The following TFPI variants were observed in gnomAD, a reference collection of about 807,000 sequenced individuals.
The protein encoded by TFPI is anti-convertin.
Under a neutral mutation model 34.6 loss-of-function variants are expected in TFPI, and 15 were observed. That is an observed-to-expected ratio of 0.43 (90% CI 0.29 to 0.67). The LOEUF is 0.67. Among genes scored for constraint, TFPI ranks in the 30% least tolerant of loss-of-function variants. The probability of loss-of-function intolerance (pLI) is 0.15; values close to 1 mark genes in which losing one functional copy is unlikely to be tolerated. For synonymous variants in TFPI, 105 were observed against 120.1 expected (o/e 0.87, Z 0.82); for missense variants, 301 against 364.0 (o/e 0.83, Z 1.41).
At position 187,467,942 on chromosome 2, in the gene TFPI, A is replaced by G. The variant is rs1482433891; in HGVS notation, c.629-10T>C. ...GAGGGACCGTGAAATTCTAAAAACA[A>G]TCAGGAAAACATGGTAAGCCATATG... is the stretch of plus-strand genomic sequence containing the variant. On this transcript the variant is annotated splice_polypyrimidine_tract_variant and intron_variant, in intron 6 of 7. Coordinates refer to ENST00000233156, the MANE Select transcript of TFPI (RefSeq NM_006287.6). 1 of 1,562,462 alleles carries G rather than the reference A, an allele frequency of 6.4e-7. No homozygotes were observed. The highest frequency in any genetic ancestry group is 8.6e-7 in the Non-Finnish European group (1 of 1,156,546).
intron 1 of TFPI, among the ~76,000 whole-genome samples, chr2:187,507,278 T>A (rs1686288594): frequency 6.6e-6 from 1 of 152,226 alleles, no homozygotes; most frequent in Non-Finnish European, 1.5e-5. Flanking sequence ...ATGGTGTATA[T>A]GTGCCACATT....
At chr2:187,535,924 A>G (rs1688225037) in intron 1 of TFPI, among the ~76,000 whole-genome samples, 1 of 152,212 alleles carries the variant, frequency 6.6e-6, no homozygotes, top group Non-Finnish European at 1.5e-5. Flanking sequence ...CCACAGAAAT[A>G]CAAACTACCA....
chr2:187,530,034 A>G (rs1276426235), intron 1 of TFPI, among the ~76,000 whole-genome samples: 2 of 152,178 alleles, frequency 1.3e-5, no homozygotes, highest in Non-Finnish European at 2.9e-5. Flanking sequence ...GGTCTGGGAA[A>G]GTGACTGTTT....
Position 187,496,950 on chromosome 2 carries a change from A to T in TFPI, c.250T>A (p.Tyr84Asn). The change falls in exon 3 of 8, where the codon TAT becomes AAT. Residue 84 changes from tyrosine to asparagine, a missense_variant. By Grantham distance (143) the Tyr-to-Asn change is moderately radical (BLOSUM62 -2). Coordinates refer to ENST00000233156, the MANE Select transcript of TFPI (RefSeq NM_006287.6). ...IFTRQCEEFI[Y>N]GGCEGNQNRF... ...TTCTGATTTCCTTCACATCCCCCAT[A>T]TATAAATTCTTCGCACTGTCGAGTG... is the stretch of plus-strand genomic sequence containing the variant. 2 of 1,613,384 alleles carry T rather than the reference A, an allele frequency of 1.2e-6. No individual in the cohort carries two copies. The highest frequency in any genetic ancestry group is 1.7e-6 in the Non-Finnish European group (2 of 1,179,506).
intron 1 of TFPI, among the ~76,000 whole-genome samples, chr2:187,522,795 G>A (rs1687468911): frequency 6.6e-6 from 1 of 151,222 alleles, no homozygotes; most frequent in South Asian, 2.1e-4. Context: ...GGAGGCTGAG[G>A]CAGGAGAATG....
At chr2:187,483,520 C>T (rs552042042) in intron 6 of TFPI, among the ~76,000 whole-genome samples, 123 of 151,988 alleles carry the variant, frequency 8.1e-4, no homozygotes, top group Non-Finnish European at 1.6e-3. Context: ...ATTATGTTTT[C>T]CAGTATTTTC....
chr2:187,486,030 A>G (rs190991197), intron 4 of TFPI, among the ~76,000 whole-genome samples: 1 of 151,626 alleles, frequency 6.6e-6, no homozygotes, highest in Non-Finnish European at 1.5e-5. Context: ...CTGCAAAAGA[A>G]CAAACTCCTT....
chr2:187,513,922 C>T (rs952652229), intron 1 of TFPI: 1 of 152,200 alleles, frequency 6.6e-6, no homozygotes, highest in Non-Finnish European at 1.5e-5. Flanking sequence ...CAGCCCTCTA[C>T]TTCAGAAAAG....
chr2:187,549,193 T>C (rs536891723), intron 1 of TFPI, among the ~76,000 whole-genome samples: 2 of 152,224 alleles, frequency 1.3e-5, no homozygotes, highest in South Asian at 4.1e-4. Context: ...TACTACGTTT[T>C]CATTTATTTG....
rs886182122 is a variant in TFPI at position 187,534,834 on chromosome 2, A to G, written c.-3+19366T>C. On this transcript the variant is annotated intron_variant, in intron 1 of 7. Coordinates refer to ENST00000233156, the MANE Select transcript of TFPI (RefSeq NM_006287.6). ...TATTCAGGAGTCCCATGTCACGTGC[A>G]AAAACACACATTGACTCAAAGTAAA... is the stretch of plus-strand genomic sequence containing the variant. Among the ~76,000 whole-genome samples, 6 of 152,258 alleles carry G rather than the reference A, an allele frequency of 3.9e-5. 1 individual carries two copies. The East Asian group carries it at 1.2e-3, about 29-fold the overall frequency.
At chr2:187,533,749 G>A (rs948927929) in intron 1 of TFPI, among the ~76,000 whole-genome samples, 6 of 152,142 alleles carry the variant, frequency 3.9e-5, no homozygotes, top group African/African-American at 1.4e-4. Context: ...TTCAGAAGGT[G>A]GGTAATAACA....
At chr2:187,467,392 A>G (rs542546724) in intron 7 of TFPI, among the ~76,000 whole-genome samples, 1 of 151,998 alleles carries the variant, frequency 6.6e-6, no homozygotes, top group Non-Finnish European at 1.5e-5. Context: ...TTAGTCTTTT[A>G]TAAACATGCA....
chr2:187,527,851 G>A (rs1420335819), intron 1 of TFPI, among the ~76,000 whole-genome samples: 6 of 152,018 alleles, frequency 3.9e-5, no homozygotes, highest in Admixed American at 2.0e-4. Context: ...ATGCAGGTAC[G>A]TTGAATTTAT....
At chr2:187,508,076 C>T (rs937373802) in intron 1 of TFPI, among the ~76,000 whole-genome samples, 1 of 152,096 alleles carries the variant, frequency 6.6e-6, no homozygotes, top group Non-Finnish European at 1.5e-5. Flanking sequence ...AAATCCTTTC[C>T]CCATTGCTTA....
intron 1 of TFPI, among the ~76,000 whole-genome samples, chr2:187,530,555 G>A (rs1687909083): frequency 6.6e-6 from 1 of 152,190 alleles, no homozygotes; most frequent in Non-Finnish European, 1.5e-5. Flanking sequence ...GAATGGAATG[G>A]AAATATTGCT....
intron 1 of TFPI, chr2:187,547,528 A>G (rs1342640711): frequency 6.6e-6 from 1 of 152,272 alleles, no homozygotes; most frequent in East Asian, 1.9e-4. Context: ...GTTGGTGACT[A>G]CAACCATCTG....
intron 1 of TFPI, among the ~76,000 whole-genome samples, chr2:187,545,842 G>A (rs942948636): frequency 6.6e-6 from 1 of 151,822 alleles, no homozygotes; most frequent in Admixed American, 6.6e-5. Flanking sequence ...AATCATTTTT[G>A]GTGTTTATGT....
chr2:187,493,088 C>G (rs548812582), intron 3 of TFPI, among the ~76,000 whole-genome samples: 3 of 152,150 alleles, frequency 2.0e-5, no homozygotes, highest in African/African-American at 4.8e-5. Flanking sequence ...CTGCACTGCT[C>G]TAGCAGAGGT....
intron 6 of TFPI, among the ~76,000 whole-genome samples, chr2:187,470,094 CT>C (rs1482732217): frequency 6.6e-6 from 1 of 151,994 alleles, no homozygotes; most frequent in Non-Finnish European, 1.5e-5. Flanking sequence ...GCTTTTTTTC[CT>C]GTTTAAACAC....
Sources: allele counts gnomAD v4.1 joint callset (sites outside exome capture counted in the v4.1 genomes callset), GRCh38; gene constraint gnomAD v4.1.1; transcripts MANE v1.5; gene names NCBI Gene and HGNC (gene_info 2026-07-23, HGNC 2026-07-21).